The following CACNA2D3 variants were observed in gnomAD, a reference collection of about 807,000 sequenced individuals.
CACNA2D3 encodes the protein calcium voltage-gated channel auxiliary subunit alpha2delta 3.
Under a neutral mutation model 160.6 loss-of-function variants are expected in CACNA2D3, and 60 were observed. The observed-to-expected ratio is 0.37, with a 90% CI of 0.30 to 0.46. The LOEUF (loss-of-function observed/expected upper bound fraction) is 0.46, where lower values mean the gene tolerates loss of function less well. Ranked by LOEUF, CACNA2D3 falls within the 20% of genes least tolerant of loss-of-function variation. The pLI, the probability that CACNA2D3 is intolerant of heterozygous loss-of-function variation, is 1.00. For missense variants in CACNA2D3, 1,205 were observed against 1,365.0 expected, an observed-to-expected ratio of 0.88 and a Z score of 1.85; for synonymous variants, 558 against 492.9, an observed-to-expected ratio of 1.13 and a Z score of -1.75.
intron 2 of CACNA2D3, among the ~76,000 whole-genome samples, chr3:54,229,599 C>T (rs57412236): frequency 0.081 from 12,365 of 151,820 alleles, 760 homozygotes; most frequent in East Asian, 0.31. Context: ...CCTCCGAAAG[C>T]GCTGGGATTA....
intron 24 of CACNA2D3, among the ~76,000 whole-genome samples, chr3:54,889,426 A>G (rs1483318501): frequency 1.3e-5 from 2 of 152,146 alleles, no homozygotes; most frequent in African/African-American, 2.4e-5. Flanking sequence ...GAAGAGGTCC[A>G]CTTGTGGCTT....
At chr3:54,932,342 C>T (rs1701210370) in intron 27 of CACNA2D3, among the ~76,000 whole-genome samples, 1 of 151,724 alleles carries the variant, frequency 6.6e-6, no homozygotes, top group Admixed American at 6.6e-5. Context: ...AGGAATTAAC[C>T]CTATAAATAC....
chr3:54,960,889 T>C (rs1344128164), intron 27 of CACNA2D3, among the ~76,000 whole-genome samples: 1 of 152,234 alleles, frequency 6.6e-6, no homozygotes, highest in African/African-American at 2.4e-5. Flanking sequence ...GTCATTTATC[T>C]TGGACACCAA....
chr3:54,345,786 T>A (rs1276457483), intron 3 of CACNA2D3, among the ~76,000 whole-genome samples: 6 of 152,102 alleles, frequency 3.9e-5, no homozygotes, highest in Non-Finnish European at 8.8e-5. Context: ...TCTAAGTCTT[T>A]GCAATCTTAG....
intron 2 of CACNA2D3, among the ~76,000 whole-genome samples, chr3:54,299,594 T>C (rs1390395310): frequency 6.6e-6 from 1 of 152,158 alleles, no homozygotes; most frequent in African/African-American, 2.4e-5. Context: ...AGCATTCAAT[T>C]AACGAGAGAG....
At chr3:54,155,990 T>C (rs1386279146) in intron 2 of CACNA2D3, among the ~76,000 whole-genome samples, 3 of 152,230 alleles carry the variant, frequency 2.0e-5, no homozygotes, top group Non-Finnish European at 4.4e-5. Context: ...CACGTTATTC[T>C]CTTTAGGAAC....
intron 14 of CACNA2D3, among the ~76,000 whole-genome samples, chr3:54,820,992 G>A (rs943532216): frequency 1.3e-5 from 2 of 152,080 alleles, no homozygotes; most frequent in Non-Finnish European, 2.9e-5. Flanking sequence ...GAGTGGGCCC[G>A]AATGTTTAAA....
chr3:54,322,751 C>T (rs1025642717), intron 3 of CACNA2D3, among the ~76,000 whole-genome samples: 5 of 151,788 alleles, frequency 3.3e-5, no homozygotes, highest in South Asian at 2.1e-4. Flanking sequence ...CAGGAGGGAA[C>T]GTGAACTGGG....
rs1281770623 is a variant in CACNA2D3, at chr3:54,747,512, C to G, written c.1168-5087C>G. On this transcript the variant is annotated intron_variant, in intron 11 of 37. Transcript: ENST00000474759. ...CACTGTTCATGGCCTATGCTCTATC[C>G]TGCAGCCAGAATGATCCTTTTACAT... Among the ~76,000 whole-genome samples the G allele has an allele frequency of 2.0e-5, 3 of 152,302 alleles. No individual in the cohort carries two copies. The East Asian group carries it at 5.8e-4, about 29-fold the overall frequency.
intron 3 of CACNA2D3, among the ~76,000 whole-genome samples, chr3:54,370,649 C>A (rs1313804443): frequency 5.3e-5 from 8 of 152,100 alleles, no homozygotes; most frequent in South Asian, 2.1e-4. Context: ...TTAAAGAACA[C>A]CAAACAACAT....
intron 14 of CACNA2D3, among the ~76,000 whole-genome samples, chr3:54,828,625 C>A (rs1396932081): frequency 6.6e-6 from 1 of 152,068 alleles, no homozygotes; most frequent in African/African-American, 2.4e-5. Flanking sequence ...TATAGATGTT[C>A]CAAGATTGTC....
At chr3:54,332,846 T>C (rs1704295005) in intron 3 of CACNA2D3, among the ~76,000 whole-genome samples, 1 of 152,122 alleles carries the variant, frequency 6.6e-6, no homozygotes, top group African/African-American at 2.4e-5. Context: ...CCTGGGGTCT[T>C]TGGGTTGGCT....
intron 32 of CACNA2D3, among the ~76,000 whole-genome samples, chr3:55,006,599 A>G (rs1271180750): frequency 6.6e-6 from 1 of 152,234 alleles, no homozygotes; most frequent in African/African-American, 2.4e-5. Flanking sequence ...GCGGCCCAGA[A>G]CACTGTGATT....
intron 11 of CACNA2D3, among the ~76,000 whole-genome samples, chr3:54,727,583 C>T (rs1575444135): frequency 6.6e-6 from 1 of 152,110 alleles, no homozygotes; most frequent in African/African-American, 2.4e-5. Context: ...AGCCATAAAA[C>T]AGGATGAGTT....
chr3:54,470,438 A>G (rs1459264172), intron 4 of CACNA2D3, among the ~76,000 whole-genome samples: 1 of 152,230 alleles, frequency 6.6e-6, no homozygotes, highest in Non-Finnish European at 1.5e-5. Context: ...GAAGCACTAA[A>G]TATGGAAAGG....
At chr3:54,376,655 C>T (rs765375452) in intron 3 of CACNA2D3, among the ~76,000 whole-genome samples, 6 of 152,148 alleles carry the variant, frequency 3.9e-5, no homozygotes, top group South Asian at 2.1e-4. Flanking sequence ...ATCTTCATTG[C>T]GTCAGCCCTT....
At chr3:55,016,789 C>G (rs577323836) in intron 34 of CACNA2D3, among the ~76,000 whole-genome samples, 43 of 152,280 alleles carry the variant, frequency 2.8e-4, no homozygotes, top group Non-Finnish European at 5.9e-4. Context: ...GCATTGTGCT[C>G]CAACCCCAAA....
intron 2 of CACNA2D3, among the ~76,000 whole-genome samples, chr3:54,137,806 C>T (rs1055451608): frequency 6.6e-6 from 1 of 151,222 alleles, no homozygotes; most frequent in African/African-American, 2.5e-5. Flanking sequence ...CTATTCTGTT[C>T]ATTTTAGAAG....
rs61553160 is a variant in CACNA2D3, at chr3:54,891,376, G to T, written c.2172G>T (p.Glu724Asp). 1 of 1,613,770 alleles carries T rather than the reference G, an allele frequency of 6.2e-7. No individual in the cohort carries two copies. The highest frequency in any genetic ancestry group is 1.3e-5 in the African/African-American group (1 of 74,886). ...NKSENSDKGV[E>D]VAFLGTRTGL... ...TCAGAAATTCTGACAAGGGCGTGGA[G>T]GTTGCCTTCCTCGGCACTCGCACGG... Residue 724 changes from glutamate to aspartate, a missense_variant, in exon 25 of 38, where the codon GAG becomes GAT. Transcript: ENST00000474759.
Sources: gnomAD v4.1 joint callset for allele counts (sites outside exome capture counted in the v4.1 genomes callset) on GRCh38, gnomAD v4.1.1 for gene constraint, MANE v1.5 for transcripts, NCBI Gene and HGNC (gene_info 2026-07-23, HGNC 2026-07-21) for gene names.